Variants in KLRG1 observed in about 807,000 individuals in gnomAD.
KLRG1 encodes the protein killer cell lectin-like receptor subfamily G member 1.
KLRG1 carries 16 observed loss-of-function variants against 21.8 expected under a neutral mutation model. The observed-to-expected ratio is 0.73, with a 90% CI of 0.50 to 1.11. The LOEUF (loss-of-function observed/expected upper bound fraction) is 1.11. KLRG1 is among the 50% of genes most tolerant of loss of function. KLRG1 has a pLI of 0.00. For missense variants in KLRG1, 173 were observed against 218.3 expected (o/e 0.79, Z 1.31); for synonymous variants, 69 against 75.9 (o/e 0.91, Z 0.47).
At chr12:9,077,878 C>A in the KLRG1 span, 1 of 1,613,934 alleles carries the variant, frequency 6.2e-7, no homozygotes, top group South Asian at 1.1e-5. Context: ...AGGAAGCAAT[C>A]ATGATGTTTA....
the KLRG1 span, among the ~76,000 whole-genome samples, chr12:9,038,774 G>C: frequency 0.78 from 118,679 of 151,866 alleles, 46,973 homozygotes; most frequent in African/African-American, 0.87. Context: ...TGGCAGGCAC[G>C]TGTAATCCCA....
At chr12:9,028,149 CTTTTTTT>C in the KLRG1 span, 10 of 485,896 alleles carry the variant, frequency 2.1e-5, no homozygotes, top group African/African-American at 2.1e-4. Context: ...TCGTCTTCTT[CTTTTTTT>C]TTTTTTTTTT....
chr12:8,967,524 C>A (rs932806695), intron 1 of KLRG1, among the ~76,000 whole-genome samples: 1 of 152,014 alleles, frequency 6.6e-6, no homozygotes, highest in Non-Finnish European at 1.5e-5. Context: ...GAGTTTGAGA[C>A]CAGCTGTGGC....
At chr12:8,969,285 G>A (rs1946529233) in intron 1 of KLRG1, among the ~76,000 whole-genome samples, 2 of 152,222 alleles carry the variant, frequency 1.3e-5, no homozygotes, top group African/African-American at 4.8e-5. Context: ...ATGGTGAGTT[G>A]TTTACATGCA....
chr12:8,983,602 T>C (rs911185478), intron 1 of KLRG1, among the ~76,000 whole-genome samples: 21 of 152,036 alleles, frequency 1.4e-4, no homozygotes, highest in Admixed American at 1.3e-3. Flanking sequence ...GGTTTCACCA[T>C]GTTGGCCAGG....
At chr12:8,980,746 G>A (rs1946741677) in intron 1 of KLRG1, among the ~76,000 whole-genome samples, 1 of 152,196 alleles carries the variant, frequency 6.6e-6, no homozygotes, top group South Asian at 2.1e-4. Context: ...GTGCAGCAGT[G>A]TGAGTTCTGG....
the KLRG1 span, among the ~76,000 whole-genome samples, chr12:9,107,308 C>T: frequency 2.6e-5 from 4 of 152,078 alleles, no homozygotes; most frequent in Admixed American, 1.3e-4. Flanking sequence ...TTAGATGGCT[C>T]AGTGTCTATC....
chr12:9,098,396 T>G, the KLRG1 span: 26 of 286,472 alleles, frequency 9.1e-5, no homozygotes, highest in African/African-American at 5.8e-4. Flanking sequence ...ATATATTGTA[T>G]TTTGTTTATT....
chr12:9,168,756 G>C, the KLRG1 span: 8 of 767,788 alleles, frequency 1.0e-5, no homozygotes, highest in Admixed American at 2.6e-5. Context: ...TTTGAATCTT[G>C]GTTTCTTTGT....
the KLRG1 span, chr12:9,095,404 A>G: frequency 1.3e-6 from 1 of 796,708 alleles, no homozygotes; most frequent in Non-Finnish European, 1.9e-6. Flanking sequence ...TGCTGCTATT[A>G]GTAGAGAAGC....
At chr12:9,157,821 C>A in the KLRG1 span, 3 of 1,613,936 alleles carry the variant, frequency 1.9e-6, no homozygotes, top group Non-Finnish European at 2.5e-6. Context: ...CGGAGAGGGT[C>A]GCTTCATCTT....
At chr12:8,963,847 T>C (rs913583398) in intron 1 of KLRG1, among the ~76,000 whole-genome samples, 5 of 152,328 alleles carry the variant, frequency 3.3e-5, no homozygotes, top group African/African-American at 9.6e-5. Context: ...TATTCTCTGA[T>C]GGTAGTTTGT....
the KLRG1 span, among the ~76,000 whole-genome samples, chr12:9,140,394 G>A: frequency 6.6e-6 from 1 of 152,160 alleles, no homozygotes; most frequent in East Asian, 1.9e-4. Context: ...TTTCTTACTC[G>A]GCCCAATTGG....
chr12:9,197,383 TATA>T, the KLRG1 span, among the ~76,000 whole-genome samples: 3 of 142,048 alleles, frequency 2.1e-5, no homozygotes, highest in Non-Finnish European at 4.5e-5. Context: ...ATATTTAATA[TATA>T]ATATTATAAT....
chr12:9,174,681 A>C, the KLRG1 span, among the ~76,000 whole-genome samples: 3 of 152,214 alleles, frequency 2.0e-5, no homozygotes, highest in Non-Finnish European at 2.9e-5. Context: ...GCAAGCAGAG[A>C]TCCAAATCAT....
chr12:9,029,647 CTG>C, the KLRG1 span, among the ~76,000 whole-genome samples: 1 of 152,126 alleles, frequency 6.6e-6, no homozygotes, highest in Admixed American at 6.5e-5. Context: ...AAAGTCAAAA[CTG>C]TCATTTTTTC....
the KLRG1 span, chr12:9,109,543 T>C: frequency 1.5e-6 from 1 of 672,946 alleles, no homozygotes; most frequent in Non-Finnish European, 2.6e-6. Context: ...TCTATTCTTA[T>C]CTATCCTCCT....
the KLRG1 span, chr12:9,067,871 A>G: frequency 1.9e-6 from 3 of 1,605,840 alleles, no homozygotes; most frequent in Admixed American, 1.7e-5. Flanking sequence ...AAATTAAGAC[A>G]GATTTGGGTC....
At chr12:9,020,445 C>G in the KLRG1 span, among the ~76,000 whole-genome samples, 1 of 152,266 alleles carries the variant, frequency 6.6e-6, no homozygotes, top group East Asian at 1.9e-4. Context: ...AATTCCCAAT[C>G]TACTTTCTGT....
Sources: gnomAD v4.1 joint callset for allele counts (sites outside exome capture counted in the v4.1 genomes callset) on GRCh38, gnomAD v4.1.1 for gene constraint, MANE v1.5 for transcripts, NCBI Gene and HGNC (gene_info 2026-07-23, HGNC 2026-07-21) for gene names.